Variants in PCDH7 observed in about 807,000 individuals in gnomAD.
PCDH7 encodes protocadherin 7, also known as protocadherin-7.
PCDH7 carries 17 observed loss-of-function variants against 58.9 expected under a neutral mutation model. The observed-to-expected ratio is 0.29, with a 90% CI of 0.20 to 0.43. The LOEUF (loss-of-function observed/expected upper bound fraction) is 0.43. Among genes scored for constraint, PCDH7 ranks in the 20% least tolerant of loss-of-function variants. The probability of loss-of-function intolerance (pLI) is 1.00; values close to 1 mark genes in which losing one functional copy is unlikely to be tolerated. For missense variants in PCDH7, 1,274 were observed against 1,441.0 expected (o/e 0.88, Z 1.88); for synonymous variants, 664 against 616.4 (o/e 1.08, Z -1.14).
chr4:30,859,565 G>A (rs1416011334), intron 1 of PCDH7, among the ~76,000 whole-genome samples: 1 of 151,360 alleles, frequency 6.6e-6, no homozygotes, highest in Non-Finnish European at 1.5e-5. Context: ...TCAGCCTCCC[G>A]AGTAGCTGGG....
chr4:30,731,047 G>C (rs1191963906), exon 2 of PCDH7: 5 of 1,189,054 alleles, frequency 4.2e-6, no homozygotes, highest in Non-Finnish European at 5.2e-6. Flanking sequence ...CATTCTTAAA[G>C]AGGCGGTTAG....
rs577707264 is a variant in PCDH7, at chr4:30,877,588, C to T, written c.71-42565C>T. Among the ~76,000 whole-genome samples, 3 of 152,340 alleles carry T rather than the reference C, an allele frequency of 2.0e-5. No individual in the cohort carries two copies. The South Asian group carries it at 6.2e-4, about 32-fold the overall frequency. On this transcript the variant is annotated intron_variant, in intron 1 of 3. Transcript: ENST00000509759. ...CCTCTGTCTCCTTCCGACTGGCTCT[C>T]TCTTCATCATGCAGGCAATTTCCAT...
At chr4:30,903,610 A>T (rs560715501) in intron 1 of PCDH7, among the ~76,000 whole-genome samples, 1 of 152,246 alleles carries the variant, frequency 6.6e-6, no homozygotes, top group South Asian at 2.1e-4. Flanking sequence ...TTTAAAATGG[A>T]AAGATTATCC....
At chr4:30,763,143 A>C (rs1442178276) in intron 1 of PCDH7, among the ~76,000 whole-genome samples, 3 of 152,164 alleles carry the variant, frequency 2.0e-5, no homozygotes, top group African/African-American at 7.2e-5. Context: ...GAATCGCTTG[A>C]ACCTGGGAGG....
At chr4:31,033,127 G>A (rs1184237362) in intron 3 of PCDH7, among the ~76,000 whole-genome samples, 6 of 152,066 alleles carry the variant, frequency 3.9e-5, no homozygotes, top group Non-Finnish European at 8.8e-5. Flanking sequence ...TTTCCCAAAA[G>A]TACAAAATAT....
intron 1 of PCDH7, among the ~76,000 whole-genome samples, chr4:30,760,876 C>T (rs1015756602): frequency 1.3e-5 from 2 of 152,156 alleles, no homozygotes; most frequent in African/African-American, 2.4e-5. Flanking sequence ...CAGAAAGGGT[C>T]TTACAGAGTG....
chr4:31,042,003 A>G (rs2109205670), intron 3 of PCDH7, among the ~76,000 whole-genome samples: 1 of 152,252 alleles, frequency 6.6e-6, no homozygotes, highest in South Asian at 2.1e-4. Flanking sequence ...AAAGGTAATC[A>G]TGTGAATCCA....
intron 1 of PCDH7, among the ~76,000 whole-genome samples, chr4:30,837,038 G>A (rs1369267959): frequency 2.6e-5 from 4 of 152,128 alleles, no homozygotes; most frequent in Admixed American, 2.6e-4. Flanking sequence ...TGAAAAGAGA[G>A]TACCACATGA....
chr4:30,902,178 C>T (rs1325095616), intron 1 of PCDH7, among the ~76,000 whole-genome samples: 1 of 152,140 alleles, frequency 6.6e-6, no homozygotes, highest in Non-Finnish European at 1.5e-5. Context: ...TTTCTTCTTT[C>T]GTTATGTTCT....
At chr4:30,818,794 G>A (rs866456859) in intron 1 of PCDH7, among the ~76,000 whole-genome samples, 1 of 152,026 alleles carries the variant, frequency 6.6e-6, no homozygotes, top group Non-Finnish European at 1.5e-5. Flanking sequence ...ACTACTGGCA[G>A]GGAAGATTAC....
chr4:30,851,427 A>G (rs1415609061), intron 1 of PCDH7, among the ~76,000 whole-genome samples: 2 of 152,032 alleles, frequency 1.3e-5, no homozygotes, highest in Admixed American at 1.3e-4. Context: ...GACATAAGAC[A>G]TTCTCTGGTC....
Position 30,723,048 on chromosome 4 carries a change from T to A in PCDH7, c.1626T>A (p.Val542=). 2.5e-6 allele frequency: 4 copies of A among 1,613,700 alleles called. No homozygotes were observed. The highest frequency in any genetic ancestry group is 3.4e-6 in the Non-Finnish European group (4 of 1,179,998). The change falls in exon 1 of 2, where the codon GTT becomes GTA. Residue 542 remains valine, a synonymous_variant. Transcript: ENST00000361762. This position sits in a 1 kb window ranked among gnomAD's most constrained non-coding sequence, Gnocchi z 4.6. ...TGTTCGGCCAGTCGGTGGTGGAGGT[T>A]TACTTCCCTGAGAACAACATCCCGG... is the stretch of plus-strand genomic sequence containing the variant.
At chr4:31,001,882 A>G (rs1752387498) in intron 3 of PCDH7, among the ~76,000 whole-genome samples, 2 of 152,336 alleles carry the variant, frequency 1.3e-5, no homozygotes, top group Admixed American at 6.5e-5. Context: ...TATTTTCTTA[A>G]CAGGTATAAT....
At chr4:30,800,051 G>A (rs1216418752) in intron 1 of PCDH7, among the ~76,000 whole-genome samples, 3 of 151,514 alleles carry the variant, frequency 2.0e-5, no homozygotes, top group Non-Finnish European at 4.4e-5. Context: ...GTAGAGACGG[G>A]ATTTCATTAT....
intron 1 of PCDH7, among the ~76,000 whole-genome samples, chr4:30,819,706 A>G (rs1005463811): frequency 3.3e-5 from 5 of 152,180 alleles, no homozygotes; most frequent in Non-Finnish European, 7.3e-5. Flanking sequence ...TTCAATAGGT[A>G]GAAGTTTTCT....
chr4:31,039,740 G>T (rs371174676), intron 3 of PCDH7, among the ~76,000 whole-genome samples: 1 of 152,108 alleles, frequency 6.6e-6, no homozygotes, highest in East Asian at 1.9e-4. Flanking sequence ...TAACTGTTTT[G>T]CTGGTGTATG....
chr4:30,971,001 G>A (rs1221849223), intron 3 of PCDH7, among the ~76,000 whole-genome samples: 3 of 152,140 alleles, frequency 2.0e-5, no homozygotes, highest in Admixed American at 1.3e-4. Flanking sequence ...GGAATATTAC[G>A]TGCAGCTCAG....
intron 3 of PCDH7, among the ~76,000 whole-genome samples, chr4:30,966,566 T>G (rs554132600): frequency 6.6e-6 from 1 of 152,092 alleles, no homozygotes; most frequent in Non-Finnish European, 1.5e-5. Context: ...TATTTTGGGG[T>G]TTTGACTGTC....
At chr4:30,755,908 G>A (rs1474625676) in intron 1 of PCDH7, among the ~76,000 whole-genome samples, 4 of 151,978 alleles carry the variant, frequency 2.6e-5, no homozygotes, top group African/African-American at 7.2e-5. Flanking sequence ...GTGAAACCCC[G>A]TTTCTACTAC....
Sources: allele counts gnomAD v4.1 joint callset (sites outside exome capture counted in the v4.1 genomes callset), GRCh38; gene constraint gnomAD v4.1.1; non-coding constraint Gnocchi (gnomAD v3.1); transcripts MANE v1.5; gene names NCBI Gene and HGNC (gene_info 2026-07-23, HGNC 2026-07-21).